The following CACNB4 variants were observed in gnomAD, a reference collection of about 807,000 sequenced individuals.
The protein encoded by CACNB4 is voltage-dependent L-type calcium channel subunit beta-4.
A neutral mutation model predicts 71.2 loss-of-function variants in CACNB4; 32 were observed. The observed-to-expected ratio is 0.45, with a 90% CI of 0.34 to 0.60. The LOEUF (loss-of-function observed/expected upper bound fraction) is 0.60, where lower values mean the gene tolerates loss of function less well. Ranked by LOEUF, CACNB4 falls within the 20% of genes least tolerant of loss-of-function variation. The probability of loss-of-function intolerance (pLI) is 0.01; values close to 1 mark genes in which losing one functional copy is unlikely to be tolerated. For missense variants in CACNB4, 464 were observed against 647.9 expected, an observed-to-expected ratio of 0.72 and a Z score of 3.08; for synonymous variants, 231 against 236.9, an observed-to-expected ratio of 0.97 and a Z score of 0.23.
intron 2 of CACNB4, among the ~76,000 whole-genome samples, chr2:151,915,869 A>AG (rs2099857368): frequency 6.9e-6 from 1 of 145,544 alleles, no homozygotes; most frequent in Non-Finnish European, 1.5e-5. Flanking sequence ...AAAAAAAAAA[A>AG]GAATGTGCAC....
At chr2:151,893,008 A>G (rs138085048) in intron 2 of CACNB4, among the ~76,000 whole-genome samples, 2 of 152,378 alleles carry the variant, frequency 1.3e-5, no homozygotes, top group African/African-American at 4.8e-5. Flanking sequence ...TAAAGGAAGA[A>G]TAAAAGAGAA....
At chr2:151,934,370 T>C (rs1041006195) in intron 2 of CACNB4, among the ~76,000 whole-genome samples, 2 of 152,180 alleles carry the variant, frequency 1.3e-5, no homozygotes, top group African/African-American at 4.8e-5. Context: ...ACAGGTGAAG[T>C]GGGCAAAGTA....
intron 2 of CACNB4, among the ~76,000 whole-genome samples, chr2:151,982,450 A>G (rs374933113): frequency 2.9e-4 from 44 of 152,074 alleles, no homozygotes; most frequent in East Asian, 1.2e-3. Flanking sequence ...TGGCTAACAC[A>G]GTGAAACCCT....
At chr2:151,870,080 G>T (rs1198453588) in intron 8 of CACNB4, 5 of 595,462 alleles carry the variant, frequency 8.4e-6, no homozygotes, top group Non-Finnish European at 3.0e-6. Flanking sequence ...AGCAGAGAAG[G>T]ATTTGGTGGC....
At chr2:151,899,351 G>A (rs2099852836) in intron 2 of CACNB4, among the ~76,000 whole-genome samples, 1 of 152,136 alleles carries the variant, frequency 6.6e-6, no homozygotes, top group South Asian at 2.1e-4. Context: ...CTGGATCTGT[G>A]AACTATCCAG....
Position 152,066,088 on chromosome 2 carries a change from G to C in CACNB4, c.147+32242C>G, listed in dbSNP as rs560662793. ...ATACAGGAAGCCCTTCAAGTACTTC[G>C]CAACCTCTCAGCCCCACATCTTACT... On this transcript the variant is annotated intron_variant, in intron 2 of 13. Transcript: ENST00000539935. Among the ~76,000 whole-genome samples the C allele has an allele frequency of 3.9e-5, 6 of 152,220 alleles. No homozygotes were observed. In the South Asian group the frequency reaches 1.0e-3, roughly 26 times the overall value.
In CACNB4 at chr2:152,057,532, A is replaced by G. The variant is rs574092183; in HGVS notation, c.147+40798T>C. 4.3e-4 allele frequency among the ~76,000 whole-genome samples: 66 copies of G among 152,346 alleles called. 1 individual carries two copies. The South Asian group carries it at 0.013, about 30-fold the overall frequency. On this transcript the variant is annotated intron_variant, in intron 2 of 13. Transcript: ENST00000539935. ...GGGAGACAGGGAGGCTTTACATTAC[A>G]AAAATCCTAAAAGCACAAAACTGAA... is the stretch of plus-strand genomic sequence containing the variant.
At chr2:151,934,378 G>A (rs2099862394) in intron 2 of CACNB4, among the ~76,000 whole-genome samples, 1 of 152,224 alleles carries the variant, frequency 6.6e-6, no homozygotes, top group Admixed American at 6.5e-5. Context: ...AGTGGGCAAA[G>A]TATGGCAGAG....
chr2:152,094,381 G>A (rs1688149404), intron 2 of CACNB4, among the ~76,000 whole-genome samples: 1 of 152,232 alleles, frequency 6.6e-6, no homozygotes, highest in South Asian at 2.1e-4. Flanking sequence ...GGCTCAAGAT[G>A]AGGCTGGAAG....
chr2:151,848,112 C>A (rs1248757830), intron 12 of CACNB4, among the ~76,000 whole-genome samples: 1 of 152,168 alleles, frequency 6.6e-6, no homozygotes, highest in African/African-American at 2.4e-5. Flanking sequence ...ATACCATCTA[C>A]CAACATTAGT....
chr2:152,020,649 G>A (rs1683609751), intron 2 of CACNB4, among the ~76,000 whole-genome samples: 1 of 152,192 alleles, frequency 6.6e-6, no homozygotes, highest in African/African-American at 2.4e-5. Context: ...GAAGCCAAAG[G>A]AGAAGTTCTC....
intron 2 of CACNB4, among the ~76,000 whole-genome samples, chr2:152,094,525 T>C (rs2105482740): frequency 6.6e-6 from 1 of 152,276 alleles, no homozygotes; most frequent in Middle Eastern, 3.4e-3. Context: ...TAACTTGGAG[T>C]ACTCAGCCGT....
intron 2 of CACNB4, among the ~76,000 whole-genome samples, chr2:151,928,572 C>T (rs116317827): frequency 6.4e-4 from 97 of 152,080 alleles, no homozygotes; most frequent in South Asian, 2.1e-4. Context: ...AAGGTAGTTG[C>T]GAAATCAAGC....
chr2:152,083,500 T>G (rs1687478607), intron 2 of CACNB4, among the ~76,000 whole-genome samples: 1 of 152,146 alleles, frequency 6.6e-6, no homozygotes, highest in African/African-American at 2.4e-5. Context: ...CTGTGGCCAC[T>G]GCTACCACAA....
At chr2:151,993,822 C>A (rs1681870986) in intron 2 of CACNB4, among the ~76,000 whole-genome samples, 3 of 151,142 alleles carry the variant, frequency 2.0e-5, no homozygotes, top group Non-Finnish European at 3.0e-5. Flanking sequence ...CTCGGCCTCC[C>A]AAAGTGCTGG....
chr2:151,962,769 T>C (rs1260015721), intron 2 of CACNB4: 1 of 152,198 alleles, frequency 6.6e-6, no homozygotes, highest in East Asian at 1.9e-4. Flanking sequence ...TCAAACCATA[T>C]CATAAAGCAA....
At chr2:151,949,820 G>A (rs1052713025) in intron 2 of CACNB4, among the ~76,000 whole-genome samples, 5 of 152,170 alleles carry the variant, frequency 3.3e-5, no homozygotes, top group South Asian at 2.1e-4. Flanking sequence ...AGGCTGAGGC[G>A]GTGGATCACT....
intron 12 of CACNB4, among the ~76,000 whole-genome samples, chr2:151,842,320 C>A (rs1443658487): frequency 4.4e-5 from 3 of 67,724 alleles, no homozygotes; most frequent in Admixed American, 1.7e-4. Flanking sequence ...ATATTTGGAT[C>A]TTTTTTTTTT....
chr2:152,005,527 G>A (rs1165762468), intron 2 of CACNB4, among the ~76,000 whole-genome samples: 3 of 152,138 alleles, frequency 2.0e-5, no homozygotes, highest in Non-Finnish European at 4.4e-5. Flanking sequence ...CAAAAGGAGG[G>A]AGTGAGGGGG....
Sources: gnomAD v4.1 joint callset for allele counts (sites outside exome capture counted in the v4.1 genomes callset) on GRCh38, gnomAD v4.1.1 for gene constraint, MANE v1.5 for transcripts, NCBI Gene and HGNC (gene_info 2026-07-23, HGNC 2026-07-21) for gene names.